QRFPR: variants seen among roughly 807,000 people sequenced by gnomAD.
QRFPR encodes the protein pyroglutamylated RFamide peptide receptor.
A neutral mutation model predicts 31.3 loss-of-function variants in QRFPR; 37 were observed. That is an observed-to-expected ratio of 1.18 (90% CI 0.91 to 1.56). The LOEUF (loss-of-function observed/expected upper bound fraction) is 1.56, where lower values mean the gene tolerates loss of function less well. QRFPR is among the 40% of genes most tolerant of loss of function. The probability of loss-of-function intolerance (pLI) is 0.00; values close to 1 mark genes in which losing one functional copy is unlikely to be tolerated. For missense variants in QRFPR, 542 were observed against 532.5 expected, an observed-to-expected ratio of 1.02 and a Z score of -0.18; for synonymous variants, 197 against 192.0, an observed-to-expected ratio of 1.03 and a Z score of -0.22.
chr4:121,358,897 G>C (rs1278670490), intron 1 of QRFPR, among the ~76,000 whole-genome samples: 3 of 152,134 alleles, frequency 2.0e-5, no homozygotes, highest in Non-Finnish European at 2.9e-5. Context: ...TCAACTCATA[G>C]ACTGTCTTGA....
Position 121,375,921 on chromosome 4 carries a change from CAG to C in QRFPR, c.340+4385_340+4386del, listed in dbSNP as rs1057031138. Among the ~76,000 whole-genome samples, 13 of 152,194 alleles carry C rather than the reference CAG, an allele frequency of 8.5e-5. 1 individual carries two copies. The highest frequency in any genetic ancestry group is 3.1e-4 in the African/African-American group (13 of 41,528). ...CAGTTCTGTATTTAGCTGGAAGAAA[CAG>C]AACATGTTCAGTGAGTGAATTTGGA... On this transcript the variant is annotated intron_variant, in intron 1 of 5. Coordinates refer to ENST00000394427, the MANE Select transcript of QRFPR (RefSeq NM_198179.3).
chr4:121,342,540 T>A (rs534363789), intron 1 of QRFPR, among the ~76,000 whole-genome samples: 6 of 152,260 alleles, frequency 3.9e-5, no homozygotes, highest in African/African-American at 1.4e-4. Context: ...TCTCCTCTCA[T>A]TCCTCATTTC....
chr4:121,342,147 A>G (rs1158726100), intron 1 of QRFPR, among the ~76,000 whole-genome samples: 1 of 152,222 alleles, frequency 6.6e-6, no homozygotes, highest in African/African-American at 2.4e-5. Flanking sequence ...ACACAAAGGC[A>G]CAGGAAGGGT....
intron 1 of QRFPR, among the ~76,000 whole-genome samples, chr4:121,373,223 A>G (rs1726285262): frequency 1.3e-5 from 2 of 152,216 alleles, no homozygotes; most frequent in Non-Finnish European, 2.9e-5. Context: ...AAACTTTCTT[A>G]CTGCTAAATC....
intron 1 of QRFPR, among the ~76,000 whole-genome samples, chr4:121,359,499 T>C (rs1418253565): frequency 1.3e-5 from 2 of 152,136 alleles, no homozygotes; most frequent in African/African-American, 4.8e-5. Flanking sequence ...GGAAGCTTCC[T>C]GCCTTTGAAC....
At chr4:121,348,086 T>G (rs1725692073) in intron 1 of QRFPR, among the ~76,000 whole-genome samples, 2 of 152,142 alleles carry the variant, frequency 1.3e-5, no homozygotes, top group African/African-American at 4.8e-5. Flanking sequence ...CACCACAGTA[T>G]AGTAGTTTAG....
chr4:121,374,013 T>C (rs905863289), intron 1 of QRFPR, among the ~76,000 whole-genome samples: 2 of 152,216 alleles, frequency 1.3e-5, no homozygotes, highest in East Asian at 3.8e-4. Flanking sequence ...ACATCCGCTG[T>C]GGCCCTGGGC....
Position 121,380,772 on chromosome 4 carries a change from C to A in QRFPR, c.-125G>T, listed in dbSNP as rs1726478932. 3 of 864,034 alleles carry A rather than the reference C, an allele frequency of 3.5e-6. No individual in the cohort carries two copies. The highest frequency in any genetic ancestry group is 3.5e-6 in the Non-Finnish European group (2 of 573,914). The allele number at this position is 864,034 out of a possible 1,614,324, so 53.5% of individuals were successfully genotyped here. A position where few individuals can be genotyped will look rare whatever the true frequency, so the allele number is the denominator to read the frequency against. ...TCCCTTCCTCTACTCTGGAGTCAGC[C>A]GCGCGGGAGGGCTCTAGGCTGCACC... On this transcript the variant is annotated 5_prime_UTR_variant, in exon 1 of 6. Coordinates refer to ENST00000394427, the MANE Select transcript of QRFPR (RefSeq NM_198179.3).
intron 1 of QRFPR, among the ~76,000 whole-genome samples, chr4:121,360,219 C>CTAA (rs1725963174): frequency 6.6e-6 from 1 of 152,190 alleles, no homozygotes; most frequent in South Asian, 2.1e-4. Context: ...TCACCACTTA[C>CTAA]ACCTTTCAGT....
At chr4:121,332,197 C>T (rs1725340347) in intron 4 of QRFPR, among the ~76,000 whole-genome samples, 1 of 152,026 alleles carries the variant, frequency 6.6e-6, no homozygotes, top group African/African-American at 2.4e-5. Flanking sequence ...AATAGTCATT[C>T]AGTGTAGGTT....
At chr4:121,336,238 G>A (rs1244327093) in intron 3 of QRFPR, among the ~76,000 whole-genome samples, 2 of 152,148 alleles carry the variant, frequency 1.3e-5, no homozygotes, top group African/African-American at 4.8e-5. Flanking sequence ...AGGCTGGGCT[G>A]TCTGAAACCA....
intron 1 of QRFPR, among the ~76,000 whole-genome samples, chr4:121,373,297 C>T (rs752773764): frequency 6.6e-6 from 1 of 152,126 alleles, no homozygotes; most frequent in African/African-American, 2.4e-5. Flanking sequence ...TACATAAATG[C>T]TGTTGCTGTT....
rs555322299 is a variant in QRFPR, at chr4:121,343,853, T to C, written c.341-3243A>G. On this transcript the variant is annotated intron_variant, in intron 1 of 5. Coordinates refer to ENST00000394427, the MANE Select transcript of QRFPR (RefSeq NM_198179.3). ...TTATCCATCCTGAATATATTCAGTT[T>C]GTGTATTACAGCACAGGGTATCTGT... 4.6e-5 allele frequency among the ~76,000 whole-genome samples: 7 copies of C among 152,366 alleles called. No individual in the cohort carries two copies. The South Asian group carries it at 1.4e-3, about 32-fold the overall frequency.
chr4:121,329,362 G>A lies in QRFPR; in HGVS notation c.1248C>T (p.Leu416=), dbSNP rs1327613507. Residue 416 remains leucine (L), a synonymous_variant, in exon 6 of 6, where the codon CTC becomes CTT. Transcript: ENST00000394427. ...EKKKLKRHLA[L]FRSELAENSP... ...AATTCTCAGCCAGTTCAGACCTAAAGAGAGCAAGATGTCGTTTGAGCTTTT... is the reference window on the plus strand; with the variant it reads ...AATTCTCAGCCAGTTCAGACCTAAAAAGAGCAAGATGTCGTTTGAGCTTTT... 3 of 1,613,962 alleles carry A rather than the reference G, an allele frequency of 1.9e-6. No individual in the cohort carries two copies. Among genetic ancestry groups the A allele is most frequent in the Non-Finnish European group, 2.5e-6 (3 of 1,179,990 alleles).
Position 121,329,585 on chromosome 4 carries a change from T to C in QRFPR, c.1025A>G (p.Asn342Ser), listed in dbSNP as rs1725283655. ...GCAATAACAAACTGCAGACAAAACATTTTTTTTGAAGTTTTCATTCATAAA... is the reference window on the plus strand; with the variant it reads ...GCAATAACAAACTGCAGACAAAACACTTTTTTTGAAGTTTTCATTCATAAA... ...YAFMNENFKK[N>S]VLSAVCYCIV... Residue 342 changes from asparagine to serine, a missense_variant, in exon 6 of 6, where the codon AAT becomes AGT. Asn to Ser is a conservative substitution (Grantham distance 46, BLOSUM62 1). Coordinates refer to ENST00000394427, the MANE Select transcript of QRFPR (RefSeq NM_198179.3). The C allele has an allele frequency of 6.3e-7, 1 of 1,599,886 alleles. No homozygotes were observed. Among genetic ancestry groups the C allele is most frequent in the African/African-American group, 1.4e-5 (1 of 73,628 alleles).
chr4:121,349,328 T>G (rs1725720391), intron 1 of QRFPR, among the ~76,000 whole-genome samples: 1 of 152,072 alleles, frequency 6.6e-6, no homozygotes, highest in Non-Finnish European at 1.5e-5. Flanking sequence ...AAAAAATAAC[T>G]CCTGTTGATC....
At chr4:121,355,194 A>G (rs1288642972) in intron 1 of QRFPR, among the ~76,000 whole-genome samples, 1 of 152,038 alleles carries the variant, frequency 6.6e-6, no homozygotes, top group African/African-American at 2.4e-5. Flanking sequence ...TAAAGCCATC[A>G]GGTCCTAGAC....
intron 1 of QRFPR, among the ~76,000 whole-genome samples, chr4:121,377,182 C>T (rs1726370972): frequency 6.6e-6 from 1 of 152,186 alleles, no homozygotes; most frequent in African/African-American, 2.4e-5. Context: ...GTATTCCCAG[C>T]TTTTCAGAAG....
At chr4:121,350,138 T>C (rs949569726) in intron 1 of QRFPR, among the ~76,000 whole-genome samples, 5 of 152,196 alleles carry the variant, frequency 3.3e-5, no homozygotes, top group Admixed American at 6.5e-5. Flanking sequence ...TTCTTTGTCA[T>C]TTTCATTGGG....
Sources: gnomAD v4.1 joint callset for allele counts (sites outside exome capture counted in the v4.1 genomes callset) on GRCh38, gnomAD v4.1.1 for gene constraint, MANE v1.5 for transcripts, NCBI Gene and HGNC (gene_info 2026-07-23, HGNC 2026-07-21) for gene names.